ING2: variants seen among roughly 807,000 people sequenced by gnomAD.
ING2 encodes the protein inhibitor of growth family member 2, also known as inhibitor of growth protein 2.
A neutral mutation model predicts 30.6 loss-of-function variants in ING2; 7 were observed. The ratio of observed to expected loss-of-function variants is 0.23; its 90% CI spans 0.13 to 0.43. The LOEUF (loss-of-function observed/expected upper bound fraction) is 0.43. ING2 is among the 20% of genes least tolerant of loss of function. The pLI, the probability that ING2 is intolerant of heterozygous loss-of-function variation, is 1.00. For missense variants in ING2, 239 were observed against 334.9 expected, an observed-to-expected ratio of 0.71 and a Z score of 2.24; for synonymous variants, 136 against 121.7, an observed-to-expected ratio of 1.12 and a Z score of -0.78.
intron 1 of ING2, among the ~76,000 whole-genome samples, chr4:183,507,723 A>C (rs532162972): frequency 6.6e-6 from 1 of 152,154 alleles, no homozygotes; most frequent in African/African-American, 2.4e-5. Flanking sequence ...CATGTTTTTT[A>C]TATCTTCACT....
intron 1 of ING2, chr4:183,506,450 C>A: frequency 5.4e-6 from 3 of 551,736 alleles, no homozygotes; most frequent in South Asian, 3.2e-5. Flanking sequence ...CTTTGCCGGC[C>A]GACCCGGGAA....
At chr4:183,509,537 C>T (rs1235924600) in intron 1 of ING2, among the ~76,000 whole-genome samples, 2 of 151,766 alleles carry the variant, frequency 1.3e-5, no homozygotes, top group Admixed American at 1.3e-4. Context: ...GCTCCGCCTC[C>T]AGGGTTCTCG....
Position 183,505,179 on chromosome 4 carries a change from C to T in ING2, c.-17C>T, listed in dbSNP as rs932750485. On this transcript the variant is annotated 5_prime_UTR_variant, in exon 1 of 2. In the 5' UTR this introduces an upstream ATG that the reference lacks. Transcript: ENST00000302327. ...CTGCTGGATGCGGAGGCGGCGGCGACGGCGCGGATCGGCAGGATGTTAGGG... is the reference window on the plus strand; with the variant it reads ...CTGCTGGATGCGGAGGCGGCGGCGATGGCGCGGATCGGCAGGATGTTAGGG... The T allele has an allele frequency of 4.4e-6, 7 of 1,588,834 alleles. No individual in the cohort carries two copies. The highest frequency in any genetic ancestry group is 1.1e-5 in the South Asian group (1 of 88,854).
At position 183,506,919 on chromosome 4, in the gene ING2, C is replaced by T. The variant is rs189427299; in HGVS notation, c.172+1552C>T. ...CGATGTAGAATATTTGGCTCCAGAG[C>T]CTGCTACTGTAGATGCATATCTTTG... On this transcript the variant is annotated intron_variant, in intron 1 of 1. Transcript: ENST00000302327. 4.5e-3 allele frequency among the ~76,000 whole-genome samples: 692 copies of T among 152,264 alleles called. 3 individuals are homozygous for T. The highest frequency in any genetic ancestry group is 0.017 in the Middle Eastern group (5 of 294).
intron 1 of ING2, among the ~76,000 whole-genome samples, chr4:183,506,768 A>T (rs1270959289): frequency 6.7e-6 from 1 of 149,506 alleles, no homozygotes; most frequent in African/African-American, 2.4e-5. Flanking sequence ...CATAGGATTC[A>T]TAGGACTGAT....
intron 1 of ING2, chr4:183,506,385 C>T: frequency 9.3e-7 from 1 of 1,076,540 alleles, no homozygotes; most frequent in Non-Finnish European, 1.3e-6. Context: ...TGGGCAACCG[C>T]CTGGCGTCCC....
rs565334306 is a variant in ING2 at position 183,511,813 on chromosome 4, T to G, written c.*861T>G. ...GCCAGGATGCGTAGCCACAGGCCTA[T>G]CAGTGGAAAGGGGCATATAGTAGTC... is the stretch of plus-strand genomic sequence containing the variant. On this transcript the variant is annotated 3_prime_UTR_variant, in exon 2 of 2. Coordinates refer to ENST00000302327, the MANE Select transcript of ING2 (RefSeq NM_001564.4). Among the ~76,000 whole-genome samples the G allele has an allele frequency of 6.6e-6, 1 of 152,330 alleles. No individual in the cohort carries two copies. The highest frequency in any genetic ancestry group is 2.4e-5 in the African/African-American group (1 of 41,580).
chr4:183,505,495 G>A (rs1336341441), intron 1 of ING2, 128 bp downstream of exon 1: 1 of 965,430 alleles, frequency 1.0e-6, no homozygotes, highest in Non-Finnish European at 1.5e-6. Context: ...GGGACTGGGA[G>A]GACTGGAGAC....
chr4:183,510,809 C>G lies in ING2; in HGVS notation c.700C>G (p.Pro234Ala), dbSNP rs1323008435. The G allele has an allele frequency of 6.2e-7, 1 of 1,614,030 alleles. No homozygotes were observed. The highest frequency in any genetic ancestry group is 1.3e-5 in the African/African-American group (1 of 74,902). The change falls in exon 2 of 2, where the codon CCA becomes GCA. Residue 234 changes from proline to alanine, a missense_variant. Physicochemically the swap from Pro to Ala is conservative, Grantham distance 27. Transcript: ENST00000302327. ...GATAGGATGTGACAATGAACAGTGT[C>G]CAATTGAATGGTTTCACTTTTCATG... ...EMIGCDNEQC[P>A]IEWFHFSCVS...
At position 183,511,055 on chromosome 4, in the gene ING2, A is replaced by C; in HGVS notation, c.*103A>C. ...TGCATAAGACTATGCAATAATTTTT[A>C]ATCATTAGTATTAATGGTGTATTAA... On this transcript the variant is annotated 3_prime_UTR_variant, in exon 2 of 2. Coordinates refer to ENST00000302327, the MANE Select transcript of ING2 (RefSeq NM_001564.4). 1.1e-6 allele frequency: 1 copy of C among 898,590 alleles called. No individual in the cohort carries two copies. The highest frequency in any genetic ancestry group is 1.7e-6 in the Non-Finnish European group (1 of 603,772). The allele number at this position is 898,590 out of a possible 1,614,324, so 55.7% of individuals were successfully genotyped here.
At chr4:183,509,607 G>A (rs1378887415) in intron 1 of ING2, among the ~76,000 whole-genome samples, 1 of 151,690 alleles carries the variant, frequency 6.6e-6, no homozygotes, top group Non-Finnish European at 1.5e-5. Context: ...CACTGCGCCC[G>A]GCTAATTTTT....
intron 1 of ING2, among the ~76,000 whole-genome samples, chr4:183,507,956 C>CTT (rs1235401619): frequency 1.4e-4 from 22 of 152,144 alleles, no homozygotes; most frequent in African/African-American, 5.3e-4. Context: ...AGTGTTCCCA[C>CTT]TCATAATTTC....
rs1238229835 is a variant in ING2 at position 183,510,513 on chromosome 4, C to T, written c.404C>T (p.Ser135Leu). The T allele has an allele frequency of 2.5e-6, 4 of 1,613,966 alleles. No individual in the cohort carries two copies. Residue 135 changes from serine to leucine, a missense_variant, in exon 2 of 2, where the codon TCA (serine) becomes TTA (leucine). Ser to Leu is a moderately radical substitution (Grantham distance 145, BLOSUM62 -2). Coordinates refer to ENST00000302327, the MANE Select transcript of ING2 (RefSeq NM_001564.4). Reference sequence around the variant, plus strand: ...GATCCTGCTGAAAGTGAACGAGCCTCAGATAAAGCAAAGATGGATTCCAGC... The same window carrying T: ...GATCCTGCTGAAAGTGAACGAGCCTTAGATAAAGCAAAGATGGATTCCAGC... ...FQDPAESERA[S>L]DKAKMDSSQP... is the part of the protein sequence containing the mutation.
chr4:183,511,096 G>A lies in ING2; in HGVS notation c.*144G>A. The A allele has an allele frequency of 1.5e-6, 1 of 658,474 alleles. No homozygotes were observed. 40.8% of individuals were successfully genotyped at this position (658,474 alleles called of 1,614,324 possible). On this transcript the variant is annotated 3_prime_UTR_variant, in exon 2 of 2. Transcript: ENST00000302327. ...GGTGTATTAAAAGTTGTTGTACTTT[G>A]TCTGTGACCTTAATTTTCTGCACTG...
intron 1 of ING2, chr4:183,506,173 G>T: frequency 7.7e-7 from 1 of 1,290,764 alleles, no homozygotes; most frequent in Non-Finnish European, 1.0e-6. Context: ...GAGGGAGTCG[G>T]GGCTGTGCGG....
chr4:183,510,776 G>A lies in ING2; in HGVS notation c.667G>A (p.Gly223Arg). ...CTGCTTATGCAACCAAGTGTCTTATGGGGAGATGATAGGATGTGACAATGA... is the reference window on the plus strand; with the variant it reads ...CTGCTTATGCAACCAAGTGTCTTATAGGGAGATGATAGGATGTGACAATGA... ...TYCLCNQVSY[G>R]EMIGCDNEQC... Residue 223 changes from glycine to arginine, a missense_variant, in exon 2 of 2, where the codon GGG becomes AGG. Physicochemically the swap from Gly to Arg is moderately radical, Grantham distance 125. Around this residue, in one of 5 missense-constraint regions of ING2, gnomAD observed 22 missense variants for 77.0 expected, o/e 0.29. Transcript: ENST00000302327. 1 of 1,614,188 alleles carries A rather than the reference G, an allele frequency of 6.2e-7. No individual in the cohort carries two copies. Among genetic ancestry groups the A allele is most frequent in the Non-Finnish European group, 8.5e-7 (1 of 1,180,038 alleles).
intron 1 of ING2, chr4:183,506,453 C>T (rs1259938719): frequency 2.0e-6 from 1 of 503,432 alleles, no homozygotes; most frequent in South Asian, 1.7e-5. Context: ...TGCCGGCCGA[C>T]CCGGGAACCC....
rs551852201 is a variant in ING2 at position 183,510,993 on chromosome 4, A to G, written c.*41A>G. 4.1e-6 allele frequency: 6 copies of G among 1,478,050 alleles called. No homozygotes were observed. The East Asian group carries it at 7.2e-5, about 18-fold the overall frequency. The allele number at this position is 1,478,050 out of a possible 1,614,324, so 91.6% of individuals were successfully genotyped here. ...TTTTAAAGGGTTATTTGTCTTTTAT[A>G]TAATTCGTTTGCTTTCAGAAAATGT... On this transcript the variant is annotated 3_prime_UTR_variant, in exon 2 of 2. Transcript: ENST00000302327.
intron 1 of ING2, chr4:183,506,384 G>A (rs55915636): frequency 0.017 from 18,452 of 1,094,774 alleles, 296 homozygotes; most frequent in African/African-American, 0.078. Context: ...CTGGGCAACC[G>A]CCTGGCGTCC....
Sources: allele counts gnomAD v4.1 joint callset (sites outside exome capture counted in the v4.1 genomes callset), GRCh38; gene constraint gnomAD v4.1.1; regional missense constraint gnomAD v4.1.1; transcripts MANE v1.5; gene names NCBI Gene and HGNC (gene_info 2026-07-23, HGNC 2026-07-21).